Variants in NRSN2 observed in about 807,000 individuals in gnomAD.
NRSN2 encodes the protein neurensin-2.
NRSN2 carries 10 observed loss-of-function variants against 11.1 expected under a neutral mutation model. That is an observed-to-expected ratio of 0.90 (90% CI 0.56 to 1.53). NRSN2 has a LOEUF of 1.53. Ranked by LOEUF, NRSN2 falls within the 40% of genes most tolerant of loss-of-function variation. The probability of loss-of-function intolerance (pLI) is 0.00; values close to 1 mark genes in which losing one functional copy is unlikely to be tolerated. For missense variants in NRSN2, 260 were observed against 273.7 expected (o/e 0.95, Z 0.35); for synonymous variants, 100 against 117.0 (o/e 0.86, Z 0.94).
At position 353,263 on chromosome 20, in the gene NRSN2, C is replaced by T; in HGVS notation, c.243C>T (p.Thr81=). 2 of 1,614,078 alleles carry T rather than the reference C, an allele frequency of 1.2e-6. No individual in the cohort carries two copies. Among genetic ancestry groups the T allele is most frequent in the Non-Finnish European group, 1.7e-6 (2 of 1,180,018 alleles). The part of the protein sequence containing the change: ...LLLLLGVAAL[T]TGYAVPPKLE... The stretch of plus-strand genomic sequence containing the variant: ...TGCTGCTGGGTGTGGCGGCTCTGAC[C>T]ACTGGCTATGCAGTGCCCCCCAAGC... Residue 81 remains threonine (T), a synonymous_variant, in exon 5 of 5, where the codon ACC becomes ACT. Coordinates refer to ENST00000382285, the MANE Select transcript of NRSN2 (RefSeq NM_001323682.2).
chr20:353,491 C>T lies in NRSN2; in HGVS notation c.471C>T (p.Ser157=). 1 of 1,614,220 alleles carries T rather than the reference C, an allele frequency of 6.2e-7. No homozygotes were observed. The highest frequency in any genetic ancestry group is 8.5e-7 in the Non-Finnish European group (1 of 1,180,044). The part of the protein sequence containing the change: ...KAEPLDPEAD[S]HVEVFGDEPE... Reference sequence around the variant, plus strand: ...AGCCCTTGGACCCCGAAGCCGACAGCCACGTGGAGGTCTTCGGGGATGAGC... The same window carrying T: ...AGCCCTTGGACCCCGAAGCCGACAGTCACGTGGAGGTCTTCGGGGATGAGC... Residue 157 remains serine (S), a synonymous_variant, in exon 5 of 5, where the codon AGC becomes AGT. Coordinates refer to ENST00000382285, the MANE Select transcript of NRSN2 (RefSeq NM_001323682.2).
chr20:351,807 G>A (rs190221879), intron 4 of NRSN2, among the ~76,000 whole-genome samples: 180 of 152,268 alleles, frequency 1.2e-3, no homozygotes, highest in Non-Finnish European at 2.2e-3. Flanking sequence ...ACCCCAGCAC[G>A]TTATTTTGTG....
In NRSN2 at chr20:347,753, G is replaced by A. The variant is rs1051601999; in HGVS notation, c.-122+241G>A. ...CTGCCGCCCCTCGCCTCCTCCCTCC[G>A]CCGCAGTCTCCCCACGTCGGACAGC... On this transcript the variant is annotated intron_variant, in intron 2 of 4. Transcript: ENST00000382285. The surrounding 1 kb of genome is among the most constrained non-coding windows in gnomAD (Gnocchi z 7.0). 9.9e-5 allele frequency among the ~76,000 whole-genome samples: 15 copies of A among 152,006 alleles called. No homozygotes were observed. The highest frequency in any genetic ancestry group is 3.4e-4 in the African/African-American group (14 of 41,440).
At position 353,670 on chromosome 20, in the gene NRSN2, C is replaced by G; in HGVS notation, c.*35C>G. On this transcript the variant is annotated 3_prime_UTR_variant, in exon 5 of 5. Coordinates refer to ENST00000382285, the MANE Select transcript of NRSN2 (RefSeq NM_001323682.2). ...ATGGCCTAAGATGTGGGTCCTGGAT[C>G]CTTCCCCCCTTCTCACCATAACCCC... is the stretch of plus-strand genomic sequence containing the variant. The G allele has an allele frequency of 6.8e-7, 1 of 1,476,362 alleles. No homozygotes were observed. Among genetic ancestry groups the G allele is most frequent in the Non-Finnish European group, 8.9e-7 (1 of 1,121,068 alleles). The allele number at this position is 1,476,362 out of a possible 1,614,324, so 91.5% of individuals were successfully genotyped here.
rs573058571 is a variant in NRSN2 at position 349,957 on chromosome 20, C to T, written c.189+125C>T. 4 of 773,154 alleles carry T rather than the reference C, an allele frequency of 5.2e-6. No homozygotes were observed. In the East Asian group the frequency reaches 1.1e-4, roughly 21 times the overall value. 47.9% of individuals were successfully genotyped at this position (773,154 alleles called of 1,614,324 possible). A position where few individuals can be genotyped will look rare whatever the true frequency, so the allele number is the denominator to read the frequency against. ...TTAGGAGTCTTGCACAGTCAAGCAACAGAAAACCCAATTCAAATGGGTTTA... is the reference window on the plus strand; with the variant it reads ...TTAGGAGTCTTGCACAGTCAAGCAATAGAAAACCCAATTCAAATGGGTTTA... On this transcript the variant is annotated intron_variant, in intron 4 of 4. Coordinates refer to ENST00000382285, the MANE Select transcript of NRSN2 (RefSeq NM_001323682.2).
At chr20:350,642 GTC>G (rs1222837478) in intron 4 of NRSN2, among the ~76,000 whole-genome samples, 1 of 60,802 alleles carries the variant, frequency 1.6e-5, no homozygotes, top group African/African-American at 7.3e-5. Flanking sequence ...ACAAGACTCT[GTC>G]TCAAAAAAAA....
intron 4 of NRSN2, among the ~76,000 whole-genome samples, chr20:350,989 G>T (rs1269789520): frequency 6.6e-6 from 1 of 152,192 alleles, no homozygotes; most frequent in East Asian, 1.9e-4. Context: ...ATCATTTTGG[G>T]AGGCCAAGGT....
rs1415265467 is a variant in NRSN2 at position 354,101 on chromosome 20, T to G, written c.*466T>G. On this transcript the variant is annotated 3_prime_UTR_variant, in exon 5 of 5. Transcript: ENST00000382285. ...ATGGGTCCCAGATGCTCACTTGGCC[T>G]TTCCCTGCAGGATGAGTGAAGACGT... 6.2e-6 allele frequency: 1 copy of G among 160,206 alleles called. No individual in the cohort carries two copies. The highest frequency in any genetic ancestry group is 1.9e-4 in the East Asian group (1 of 5,302). The allele number at this position is 160,206 out of a possible 1,614,324, so 9.9% of individuals were successfully genotyped here.
chr20:353,151 C>T, intron 4 of NRSN2, 59 bp from the exon 5 acceptor site: 1 of 1,546,244 alleles, frequency 6.5e-7, no homozygotes, highest in Non-Finnish European at 8.8e-7. Flanking sequence ...AAGGTGATCC[C>T]TTGGCCAGGG....
intron 4 of NRSN2, among the ~76,000 whole-genome samples, chr20:351,854 T>G (rs1468942922): frequency 2.0e-5 from 3 of 152,228 alleles, no homozygotes; most frequent in East Asian, 3.8e-4. Flanking sequence ...AGGAGATCCC[T>G]GGACTGAGTC....
At chr20:350,770 C>T (rs2013901953) in intron 4 of NRSN2, among the ~76,000 whole-genome samples, 2 of 151,798 alleles carry the variant, frequency 1.3e-5, no homozygotes, top group South Asian at 4.1e-4. Flanking sequence ...GCAGTTCAAC[C>T]CTTTATACCA....
chr20:353,999 T>C lies in NRSN2; in HGVS notation c.*364T>C, dbSNP rs1183762118. On this transcript the variant is annotated 3_prime_UTR_variant, in exon 5 of 5. Transcript: ENST00000382285. ...TCTGCCATGAGGGCTTTGGATCAGA[T>C]TCCTCTTCTCGCCAGGATGAGGACA... is the stretch of plus-strand genomic sequence containing the variant. 7.2e-6 allele frequency: 2 copies of C among 278,622 alleles called. No individual in the cohort carries two copies. The highest frequency in any genetic ancestry group is 9.6e-5 in the East Asian group (1 of 10,396). 17.3% of individuals were successfully genotyped at this position (278,622 alleles called of 1,614,324 possible).
In NRSN2 at chr20:353,196, C is replaced by G; in HGVS notation, c.190-14C>G. On this transcript the variant is annotated splice_polypyrimidine_tract_variant and intron_variant, in intron 4 of 4. Transcript: ENST00000382285. ...TGACCCTGACTGCTTCCTGGTCTGT[C>G]TGCTTCTCCCTAGATCAGCCTGTCC... The G allele has an allele frequency of 6.2e-7, 1 of 1,611,486 alleles. No individual in the cohort carries two copies. Among genetic ancestry groups the G allele is most frequent in the South Asian group, 1.1e-5 (1 of 90,824 alleles).
At position 353,925 on chromosome 20, in the gene NRSN2, C is replaced by G. The variant is rs2014199353; in HGVS notation, c.*290C>G. ...CAACCCGTCCCCACTCCTTCCTCTG[C>G]ATGACCTTGGGCAAACCCTTGCCCT... On this transcript the variant is annotated 3_prime_UTR_variant, in exon 5 of 5. Transcript: ENST00000382285. 1 of 462,390 alleles carries G rather than the reference C, an allele frequency of 2.2e-6. No individual in the cohort carries two copies. The highest frequency in any genetic ancestry group is 3.9e-6 in the Non-Finnish European group (1 of 258,890). 28.6% of individuals were successfully genotyped at this position (462,390 alleles called of 1,614,324 possible).
intron 4 of NRSN2, among the ~76,000 whole-genome samples, chr20:351,449 G>A (rs1385618016): frequency 4.6e-5 from 7 of 151,970 alleles, no homozygotes; most frequent in Non-Finnish European, 7.4e-5. Context: ...CAGGAGGATC[G>A]TTTGAGCCCA....
intron 4 of NRSN2, among the ~76,000 whole-genome samples, chr20:352,047 C>G (rs947947802): frequency 6.6e-6 from 1 of 152,216 alleles, no homozygotes; most frequent in African/African-American, 2.4e-5. Flanking sequence ...CTCATTGGGT[C>G]ACTTGCCAGC....
intron 4 of NRSN2, among the ~76,000 whole-genome samples, chr20:350,376 G>A (rs1216568685): frequency 6.6e-6 from 1 of 151,802 alleles, no homozygotes; most frequent in Non-Finnish European, 1.5e-5. Context: ...CTACTCGGGA[G>A]GCTGAGGCAG....
intron 2 of NRSN2, among the ~76,000 whole-genome samples, chr20:348,805 T>C (rs1337299694): frequency 6.6e-6 from 1 of 151,712 alleles, no homozygotes; most frequent in Non-Finnish European, 1.5e-5. Flanking sequence ...AACCTGTATA[T>C]GGATATACAA....
Position 349,571 on chromosome 20 carries a change from T to A in NRSN2, c.-6-67T>A. 5 of 1,355,778 alleles carry A rather than the reference T, an allele frequency of 3.7e-6. No individual in the cohort carries two copies. The Admixed American group carries it at 1.0e-4, about 27-fold the overall frequency. 84.0% of individuals were successfully genotyped at this position (1,355,778 alleles called of 1,614,324 possible). On this transcript the variant is annotated intron_variant, in intron 3 of 4. Transcript: ENST00000382285. Reference sequence around the variant, plus strand: ...GGGGCACAAAGATTTAGGGGGCTTATGAAGGTCACCATGAGCAGCTCCCAC... The same window carrying A: ...GGGGCACAAAGATTTAGGGGGCTTAAGAAGGTCACCATGAGCAGCTCCCAC...
Sources: allele counts gnomAD v4.1 joint callset (sites outside exome capture counted in the v4.1 genomes callset), GRCh38; gene constraint gnomAD v4.1.1; non-coding constraint Gnocchi (gnomAD v3.1); transcripts MANE v1.5; gene names NCBI Gene and HGNC (gene_info 2026-07-23, HGNC 2026-07-21).